CDADC1: variants seen among roughly 807,000 people sequenced by gnomAD.
The protein encoded by CDADC1 is cytidine and dCMP deaminase domain containing 1.
Under a neutral mutation model 54.9 loss-of-function variants are expected in CDADC1, and 39 were observed. The observed-to-expected ratio is 0.71, with a 90% CI of 0.55 to 0.93. The LOEUF (loss-of-function observed/expected upper bound fraction) is 0.93. CDADC1 is among the 40% of genes least tolerant of loss of function. The pLI, the probability that CDADC1 is intolerant of heterozygous loss-of-function variation, is 0.00. For synonymous variants in CDADC1, 186 were observed against 204.0 expected (o/e 0.91, Z 0.75); for missense variants, 518 against 618.8 (o/e 0.84, Z 1.73).
At chr13:49,251,704 G>A (rs1292859726) in intron 2 of CDADC1, among the ~76,000 whole-genome samples, 1 of 152,046 alleles carries the variant, frequency 6.6e-6, no homozygotes, top group Non-Finnish European at 1.5e-5. Flanking sequence ...TATAGAGAAA[G>A]CTGTGGATCT....
intron 5 of CDADC1, among the ~76,000 whole-genome samples, chr13:49,273,563 G>A (rs550647941): frequency 9.3e-4 from 141 of 151,740 alleles, no homozygotes; most frequent in Admixed American, 4.1e-3. Context: ...CTTTTGCAAA[G>A]GTTTTGGTTC....
chr13:49,291,193 G>A (rs2138279806), intron 9 of CDADC1, among the ~76,000 whole-genome samples: 1 of 148,926 alleles, frequency 6.7e-6, no homozygotes, highest in East Asian at 2.0e-4. Flanking sequence ...TTGAGACAGG[G>A]TCTCGCTGTG....
chr13:49,248,338 C>A, intron 1 of CDADC1: 1 of 533,790 alleles, frequency 1.9e-6, no homozygotes. Flanking sequence ...CTGTTAGCTA[C>A]TTCTCACAGG....
chr13:49,278,252 T>C (rs1414326603), intron 6 of CDADC1, 98 bp from the exon 7 acceptor site: 1 of 813,966 alleles, frequency 1.2e-6, no homozygotes, highest in Non-Finnish European at 1.8e-6. Flanking sequence ...ATTGAATGAA[T>C]ATTCATTATA....
At position 49,248,608 on chromosome 13, in the gene CDADC1, A is replaced by G. The variant is rs964569593; in HGVS notation, c.83-263A>G. On this transcript the variant is annotated intron_variant, in intron 1 of 9. Transcript: ENST00000251108. ...TTGCTTTGGGTTGTCCCCCTCAGCT[A>G]TGTGTATTAGCTGTACCGTTTTTTC... 31 of 418,348 alleles carry G rather than the reference A, an allele frequency of 7.4e-5. No individual in the cohort carries two copies. In the South Asian group the frequency reaches 7.7e-4, roughly 10 times the overall value. 25.9% of individuals were successfully genotyped at this position (418,348 alleles called of 1,614,324 possible).
intron 3 of CDADC1, 77 bp downstream of exon 3, chr13:49,255,990 C>T (rs761320076): frequency 8.5e-6 from 13 of 1,526,262 alleles, no homozygotes; most frequent in Non-Finnish European, 1.1e-5. Flanking sequence ...AATAAAAGTG[C>T]CTCCATTTCT....
intron 6 of CDADC1, among the ~76,000 whole-genome samples, chr13:49,276,157 T>A (rs1473055198): frequency 6.6e-6 from 1 of 152,208 alleles, no homozygotes; most frequent in African/African-American, 2.4e-5. Context: ...TGAAATATTC[T>A]GCATTTAAAA....
At chr13:49,262,405 A>G (rs1952707658) in intron 4 of CDADC1, among the ~76,000 whole-genome samples, 1 of 152,072 alleles carries the variant, frequency 6.6e-6, no homozygotes, top group Admixed American at 6.6e-5. Flanking sequence ...ATCGTGCCTC[A>G]CCAATGCACT....
At chr13:49,260,899 T>C (rs757452225) in intron 4 of CDADC1, among the ~76,000 whole-genome samples, 6 of 152,214 alleles carry the variant, frequency 3.9e-5, no homozygotes, top group Non-Finnish European at 7.3e-5. Context: ...GATTTCCATA[T>C]TATGAAAGGC....
chr13:49,292,050 T>A lies in CDADC1; in HGVS notation c.*293T>A, dbSNP rs946467589. 2.7e-6 allele frequency: 3 copies of A among 1,121,784 alleles called. No individual in the cohort carries two copies. Among genetic ancestry groups the A allele is most frequent in the Non-Finnish European group, 3.3e-6 (3 of 913,882 alleles). The allele number at this position is 1,121,784 out of a possible 1,614,324, so 69.5% of individuals were successfully genotyped here. The stretch of plus-strand genomic sequence containing the variant: ...GGACTGATTTCTATTTATCTTGACT[T>A]TATATTAGCCAATTTGAAAGGGTCT... On this transcript the variant is annotated 3_prime_UTR_variant, in exon 10 of 10. Coordinates refer to ENST00000251108, the MANE Select transcript of CDADC1 (RefSeq NM_030911.4).
In CDADC1 at chr13:49,280,532, A is replaced by AAAG. The variant is rs781455314; in HGVS notation, c.1248_1250dup (p.Arg416dup). On this transcript the variant is annotated inframe_insertion, in exon 8 of 10. Transcript: ENST00000251108. ...AGGTGTCAAGAAATAAAACCAGAAG[A>AAAG]AAGAAGCATGATTTTTGTGACAAAG... 2 of 1,451,638 alleles carry AAAG rather than the reference A, an allele frequency of 1.4e-6. No individual in the cohort carries two copies. The highest frequency in any genetic ancestry group is 1.4e-5 in the African/African-American group (1 of 69,486). 89.9% of individuals were successfully genotyped at this position (1,451,638 alleles called of 1,614,324 possible). A position where few individuals can be genotyped will look rare whatever the true frequency, so the allele number is the denominator to read the frequency against.
intron 2 of CDADC1, 114 bp downstream of exon 2, chr13:49,249,079 A>C (rs1344673497): frequency 4.5e-6 from 3 of 673,426 alleles, no homozygotes; most frequent in Non-Finnish European, 8.0e-6. Flanking sequence ...TAAGATTTAA[A>C]AAATATCTTT....
At chr13:49,273,570 G>A (rs924597401) in intron 5 of CDADC1, among the ~76,000 whole-genome samples, 1 of 152,100 alleles carries the variant, frequency 6.6e-6, no homozygotes, top group Non-Finnish European at 1.5e-5. Flanking sequence ...AAAGGTTTTG[G>A]TTCTACAGGG....
chr13:49,277,013 G>C (rs1953159359), intron 6 of CDADC1, among the ~76,000 whole-genome samples: 2 of 152,184 alleles, frequency 1.3e-5, no homozygotes, highest in South Asian at 4.1e-4. Context: ...ACATGGCTTA[G>C]AGTCAAGTAA....
intron 9 of CDADC1, among the ~76,000 whole-genome samples, chr13:49,287,577 G>A (rs187163333): frequency 2.0e-5 from 3 of 152,054 alleles, no homozygotes; most frequent in African/African-American, 4.8e-5. Flanking sequence ...TGTTTGAAGG[G>A]GCCAATGAAT....
intron 8 of CDADC1, among the ~76,000 whole-genome samples, chr13:49,281,529 G>A (rs571592590): frequency 5.9e-5 from 9 of 152,250 alleles, no homozygotes; most frequent in African/African-American, 1.9e-4. Context: ...TCACAGTAGG[G>A]TTCTGCTCCT....
Position 49,293,027 on chromosome 13 carries a change from A to C in CDADC1, c.*1270A>C, listed in dbSNP as rs905168120. ...TACAAGGCAGCCAAGAACTGCCATA[A>C]ACACTACACAGATGGAGGGCATGGG... On this transcript the variant is annotated 3_prime_UTR_variant, in exon 10 of 10. Coordinates refer to ENST00000251108, the MANE Select transcript of CDADC1 (RefSeq NM_030911.4). 1 of 233,456 alleles carries C rather than the reference A, an allele frequency of 4.3e-6. No individual in the cohort carries two copies. Among genetic ancestry groups the C allele is most frequent in the African/African-American group, 2.3e-5 (1 of 44,274 alleles). 14.5% of individuals were successfully genotyped at this position (233,456 alleles called of 1,614,324 possible).
At chr13:49,257,943 G>C (rs1337583917) in intron 3 of CDADC1, among the ~76,000 whole-genome samples, 1 of 152,094 alleles carries the variant, frequency 6.6e-6, no homozygotes, top group African/African-American at 2.4e-5. Context: ...ACAAATTCAA[G>C]GTCAATTTAA....
intron 6 of CDADC1, among the ~76,000 whole-genome samples, chr13:49,275,535 C>G (rs1953082528): frequency 6.6e-6 from 1 of 150,950 alleles, no homozygotes; most frequent in African/African-American, 2.4e-5. Context: ...TGATTTGGCA[C>G]ATAGAGTAAG....
Sources: gnomAD v4.1 joint callset for allele counts (sites outside exome capture counted in the v4.1 genomes callset) on GRCh38, gnomAD v4.1.1 for gene constraint, MANE v1.5 for transcripts, NCBI Gene and HGNC (gene_info 2026-07-23, HGNC 2026-07-21) for gene names.